Variants in CACNB2 observed in about 807,000 individuals in gnomAD.
CACNB2 encodes the protein voltage-dependent L-type calcium channel subunit beta-2.
In CACNB2, 42 loss-of-function variants were observed where a neutral mutation model predicts 73.3. That is an observed-to-expected ratio of 0.57 (90% CI 0.45 to 0.74). CACNB2 has a LOEUF of 0.74. Among genes scored for constraint, CACNB2 ranks in the 30% least tolerant of loss-of-function variants. CACNB2 has a pLI of 0.00. For synonymous variants in CACNB2, 348 were observed against 310.3 expected, an observed-to-expected ratio of 1.12 and a Z score of -1.28; for missense variants, 940 against 853.0, an observed-to-expected ratio of 1.10 and a Z score of -1.27.
At chr10:18,420,026 C>T (rs572844509) in intron 3 of CACNB2, among the ~76,000 whole-genome samples, 33 of 152,184 alleles carry the variant, frequency 2.2e-4, no homozygotes, top group African/African-American at 7.9e-4. Flanking sequence ...AACTCGTTCC[C>T]TCAACTGTAA....
intron 9 of CACNB2, among the ~76,000 whole-genome samples, chr10:18,523,449 G>C (rs1335865352): frequency 6.6e-6 from 1 of 152,210 alleles, no homozygotes; most frequent in Non-Finnish European, 1.5e-5. Flanking sequence ...TTTTATTTAA[G>C]AAACAGATAA....
intron 1 of CACNB2, 28 bp from the exon 2 acceptor site, chr10:18,150,855 C>CTTTTTTGTTTTTTTTTT: frequency 2.1e-6 from 1 of 483,392 alleles, no homozygotes; most frequent in Non-Finnish European, 3.1e-6. Context: ...TCTTATTTGT[C>CTTTTTTGTTTTTTTTTT]TTTTTTTTTT....
At chr10:18,219,309 G>C (rs1412074994) in intron 2 of CACNB2, among the ~76,000 whole-genome samples, 1 of 152,180 alleles carries the variant, frequency 6.6e-6, no homozygotes, top group Admixed American at 6.5e-5. Flanking sequence ...ATTGTTCTCT[G>C]AGGGTGGGGA....
chr10:18,391,822 G>A lies in CACNB2; in HGVS notation c.214-10102G>A, dbSNP rs531789176. On this transcript the variant is annotated intron_variant, in intron 2 of 13. Transcript: ENST00000324631. The stretch of plus-strand genomic sequence containing the variant: ...GCGCACCTATAGTCCCAGCTACTCA[G>A]GAGGCTGAAGTGGGTGGATCCCTTG... Among the ~76,000 whole-genome samples the A allele has an allele frequency of 3.3e-5, 5 of 151,076 alleles. No homozygotes were observed. The South Asian group carries it at 1.1e-3, about 32-fold the overall frequency.
At chr10:18,223,013 G>A (rs1473302272) in intron 2 of CACNB2, among the ~76,000 whole-genome samples, 1 of 152,150 alleles carries the variant, frequency 6.6e-6, no homozygotes, top group African/African-American at 2.4e-5. Context: ...TGCTTTGAGT[G>A]TTCTGTGTGT....
At chr10:18,519,766 C>G (rs1005011615) in intron 9 of CACNB2, 4 of 455,896 alleles carry the variant, frequency 8.8e-6, no homozygotes, top group African/African-American at 8.0e-5. Context: ...CCACTTTCTT[C>G]AGCCTACCCC....
chr10:18,226,399 G>A (rs1157083335), intron 2 of CACNB2, among the ~76,000 whole-genome samples: 3 of 152,146 alleles, frequency 2.0e-5, no homozygotes, highest in South Asian at 2.1e-4. Context: ...CATTTTGTTA[G>A]CTTTGTAAGA....
chr10:18,516,365 T>C (rs917812132), intron 7 of CACNB2, among the ~76,000 whole-genome samples: 7 of 152,192 alleles, frequency 4.6e-5, no homozygotes, highest in African/African-American at 1.4e-4. Flanking sequence ...AAGAAGCTGA[T>C]TGATTACCAG....
chr10:18,358,495 ACGCTCTCTCTCTCTCT>A (rs2042009815), intron 2 of CACNB2, among the ~76,000 whole-genome samples: 1 of 104,254 alleles, frequency 9.6e-6, no homozygotes, highest in African/African-American at 3.8e-5. Context: ...TCTAATGAGC[ACGCTCTCTCTCTCTCT>A]CTCTCTCTCT....
At chr10:18,289,321 G>T (rs1243181161) in intron 2 of CACNB2, among the ~76,000 whole-genome samples, 4 of 129,040 alleles carry the variant, frequency 3.1e-5, no homozygotes, top group Admixed American at 2.5e-4. Flanking sequence ...TTGAGATGGG[G>T]TCTCACTCTG....
chr10:18,294,018 C>T (rs1242658651), intron 2 of CACNB2, among the ~76,000 whole-genome samples: 2 of 152,164 alleles, frequency 1.3e-5, no homozygotes, highest in Non-Finnish European at 2.9e-5. Flanking sequence ...GGCCAGTTTC[C>T]ATTTGGATAT....
At chr10:18,479,196 A>G (rs2048592889) in intron 3 of CACNB2, among the ~76,000 whole-genome samples, 1 of 152,176 alleles carries the variant, frequency 6.6e-6, no homozygotes, top group African/African-American at 2.4e-5. Flanking sequence ...GTATACGTAT[A>G]TCTGTATTAT....
intron 2 of CACNB2, among the ~76,000 whole-genome samples, chr10:18,167,466 C>T (rs1378919165): frequency 6.6e-6 from 1 of 152,090 alleles, no homozygotes; most frequent in Non-Finnish European, 1.5e-5. Context: ...AGATAAAAAA[C>T]AATAAAGGAT....
intron 2 of CACNB2, among the ~76,000 whole-genome samples, chr10:18,250,677 A>G (rs1479020472): frequency 1.3e-5 from 2 of 152,214 alleles, no homozygotes; most frequent in Non-Finnish European, 2.9e-5. Context: ...TGTACAGCCT[A>G]GTGGTAGAAT....
chr10:18,340,229 A>G (rs76772953), intron 2 of CACNB2, among the ~76,000 whole-genome samples: 4,151 of 152,214 alleles, frequency 0.027, 75 homozygotes, highest in Non-Finnish European at 0.042. Flanking sequence ...TATTATTTCA[A>G]TGTTTAATGC....
At chr10:18,530,758 G>A (rs932787746) in intron 10 of CACNB2, among the ~76,000 whole-genome samples, 1 of 152,170 alleles carries the variant, frequency 6.6e-6, no homozygotes, top group East Asian at 1.9e-4. Context: ...TGTAGGCCAA[G>A]TACTGCAGTA....
At chr10:18,537,547 C>A (rs935987455) in intron 12 of CACNB2, among the ~76,000 whole-genome samples, 1 of 151,846 alleles carries the variant, frequency 6.6e-6, no homozygotes, top group Non-Finnish European at 1.5e-5. Context: ...GAGGCCGAGG[C>A]GGGTGAATCA....
intron 2 of CACNB2, among the ~76,000 whole-genome samples, chr10:18,299,801 GA>G (rs879463782): frequency 1.3e-5 from 2 of 152,152 alleles, no homozygotes; most frequent in Non-Finnish European, 2.9e-5. Context: ...TGAATCATAA[GA>G]ATGCAAAGAA....
At chr10:18,499,617 GAAA>G (rs59492615) in intron 4 of CACNB2, among the ~76,000 whole-genome samples, 2 of 99,658 alleles carry the variant, frequency 2.0e-5, no homozygotes, top group Non-Finnish European at 3.9e-5. Flanking sequence ...CTGTCTCAAA[GAAA>G]AAAAAAAAAA....
Sources: allele counts gnomAD v4.1 joint callset (sites outside exome capture counted in the v4.1 genomes callset), GRCh38; gene constraint gnomAD v4.1.1; transcripts MANE v1.5; gene names NCBI Gene and HGNC (gene_info 2026-07-23, HGNC 2026-07-21).